The following SAMTOR variants were observed in gnomAD, a reference collection of about 807,000 sequenced individuals.
SAMTOR encodes the protein S-adenosylmethionine sensor upstream of mTORC1.
At chr7:112,835,602 C>T in the SAMTOR span, among the ~76,000 whole-genome samples, 5 of 151,874 alleles carry the variant, frequency 3.3e-5, no homozygotes, top group African/African-American at 1.2e-4. Context: ...AAGATAGTTC[C>T]CAATAGGTAG....
At chr7:112,916,978 GGCCT>G in the SAMTOR span, among the ~76,000 whole-genome samples, 32 of 152,324 alleles carry the variant, frequency 2.1e-4, no homozygotes, top group African/African-American at 7.7e-4. Flanking sequence ...AGCTCAAGGA[GGCCT>G]GCCTGCCTGC....
chr7:112,825,679 G>A, the SAMTOR span, among the ~76,000 whole-genome samples: 1 of 152,004 alleles, frequency 6.6e-6, no homozygotes, highest in African/African-American at 2.4e-5. Context: ...GCTTTTTCTT[G>A]CTTTACTGAA....
chr7:112,844,595 G>C, the SAMTOR span, among the ~76,000 whole-genome samples: 1 of 151,996 alleles, frequency 6.6e-6, no homozygotes, highest in Non-Finnish European at 1.5e-5. Context: ...AGAAATCAGA[G>C]ACAACACAAA....
chr7:112,829,115 T>C, the SAMTOR span, among the ~76,000 whole-genome samples: 1 of 152,172 alleles, frequency 6.6e-6, no homozygotes, highest in Admixed American at 6.5e-5. Flanking sequence ...ATTCCAATTA[T>C]GCTTATATTT....
chr7:112,849,933 A>G, the SAMTOR span, among the ~76,000 whole-genome samples: 2 of 152,216 alleles, frequency 1.3e-5, no homozygotes, highest in Non-Finnish European at 2.9e-5. Flanking sequence ...GCAGTTGGGC[A>G]TGGTGGCTCA....
chr7:112,852,650 A>G, the SAMTOR span, among the ~76,000 whole-genome samples: 57 of 152,268 alleles, frequency 3.7e-4, no homozygotes, highest in African/African-American at 1.3e-3. Context: ...TGACAGAATA[A>G]AATATCACTC....
chr7:112,837,875 G>C, the SAMTOR span, among the ~76,000 whole-genome samples: 1 of 151,820 alleles, frequency 6.6e-6, no homozygotes, highest in Non-Finnish European at 1.5e-5. Flanking sequence ...TATTTAATAC[G>C]TATTGTTGAT....
At chr7:112,924,232 C>T in the SAMTOR span, among the ~76,000 whole-genome samples, 1 of 151,624 alleles carries the variant, frequency 6.6e-6, no homozygotes, top group South Asian at 2.1e-4. Context: ...AATAGAACAG[C>T]CAAATGTGGG....
chr7:112,844,745 T>C, the SAMTOR span, among the ~76,000 whole-genome samples: 2 of 148,926 alleles, frequency 1.3e-5, no homozygotes, highest in African/African-American at 2.6e-5. Flanking sequence ...AGAAAAACTA[T>C]TTTAAAATTC....
chr7:112,829,361 T>G, the SAMTOR span, among the ~76,000 whole-genome samples: 3 of 152,190 alleles, frequency 2.0e-5, no homozygotes, highest in East Asian at 5.8e-4. Context: ...ACAGTTTTGA[T>G]TTTTTTAAAT....
At chr7:112,875,791 G>C in the SAMTOR span, among the ~76,000 whole-genome samples, 1 of 152,152 alleles carries the variant, frequency 6.6e-6, no homozygotes, top group African/African-American at 2.4e-5. Flanking sequence ...ACTGATGACT[G>C]ACTTTCTGAA....
At chr7:112,830,320 C>G in the SAMTOR span, among the ~76,000 whole-genome samples, 3 of 152,062 alleles carry the variant, frequency 2.0e-5, no homozygotes, top group Admixed American at 2.0e-4. Context: ...TATCTTATCC[C>G]ATCTTGGCTG....
the SAMTOR span, chr7:112,820,333 A>T: frequency 2.0e-5 from 3 of 152,510 alleles, no homozygotes; most frequent in Non-Finnish European, 4.4e-5. Context: ...CAGTTTATGA[A>T]ATTTAGGATC....
the SAMTOR span, chr7:112,895,551 T>C: frequency 4.7e-6 from 7 of 1,496,786 alleles, 1 homozygote; most frequent in Middle Eastern, 3.6e-4. Flanking sequence ...ATAATCAAAG[T>C]AGAAAAAGTA....
chr7:112,849,328 T>G, the SAMTOR span, among the ~76,000 whole-genome samples: 1 of 151,968 alleles, frequency 6.6e-6, no homozygotes, highest in African/African-American at 2.4e-5. Context: ...TTTGGTACAG[T>G]AAAAAAAGGC....
the SAMTOR span, among the ~76,000 whole-genome samples, chr7:112,934,001 A>G: frequency 6.6e-6 from 1 of 152,222 alleles, no homozygotes; most frequent in Admixed American, 6.5e-5. Context: ...AAGCAAATCA[A>G]TATTTTCTTA....
the SAMTOR span, among the ~76,000 whole-genome samples, chr7:112,876,343 T>C: frequency 6.6e-6 from 1 of 152,178 alleles, no homozygotes; most frequent in Admixed American, 6.5e-5. Context: ...ACATGCAAGA[T>C]AAATATTTTG....
the SAMTOR span, among the ~76,000 whole-genome samples, chr7:112,914,068 A>C: frequency 6.6e-6 from 1 of 152,168 alleles, no homozygotes; most frequent in African/African-American, 2.4e-5. Flanking sequence ...TTATTTATTA[A>C]ATAAAAGAAC....
the SAMTOR span, among the ~76,000 whole-genome samples, chr7:112,918,877 G>C: frequency 5.3e-4 from 80 of 152,272 alleles, 2 homozygotes; most frequent in South Asian, 0.011. Flanking sequence ...GTAAAGGGAT[G>C]AATTCAACAA....
Sources: allele counts gnomAD v4.1 joint callset (sites outside exome capture counted in the v4.1 genomes callset), GRCh38; gene constraint gnomAD v4.1.1; transcripts MANE v1.5; gene names NCBI Gene and HGNC (gene_info 2026-07-23, HGNC 2026-07-21).